Variants in CPLANE1 observed in about 807,000 individuals in gnomAD.
The protein encoded by CPLANE1 is ciliogenesis and planar polarity effector complex subunit 1.
Under a neutral mutation model 362.5 loss-of-function variants are expected in CPLANE1, and 263 were observed. The observed-to-expected ratio is 0.73, with a 90% CI of 0.66 to 0.80. CPLANE1 has a LOEUF of 0.80. Among genes scored for constraint, CPLANE1 ranks in the 30% least tolerant of loss-of-function variants. CPLANE1 has a pLI of 0.00. For missense variants in CPLANE1, 3,461 were observed against 3,793.4 expected, an observed-to-expected ratio of 0.91 and a Z score of 2.30; for synonymous variants, 1,212 against 1,302.6, an observed-to-expected ratio of 0.93 and a Z score of 1.50.
intron 9 of CPLANE1, among the ~76,000 whole-genome samples, chr5:37,229,346 TG>T (rs1336687740): frequency 1.2e-4 from 18 of 151,436 alleles, no homozygotes; most frequent in Admixed American, 1.2e-3. Flanking sequence ...AAGGTCAGTT[TG>T]AGACCATCCT....
the CPLANE1 span, among the ~76,000 whole-genome samples, chr5:37,076,207 T>G: frequency 1.3e-5 from 2 of 148,980 alleles, no homozygotes; most frequent in African/African-American, 5.0e-5. Flanking sequence ...TGGGCAATGA[T>G]CACACCACTG....
chr5:37,161,801 T>C (rs1335045461), intron 38 of CPLANE1, among the ~76,000 whole-genome samples: 23 of 152,236 alleles, frequency 1.5e-4, no homozygotes. Flanking sequence ...TATGGTTAAT[T>C]TTCATCTTCT....
intron 24 of CPLANE1, among the ~76,000 whole-genome samples, chr5:37,185,820 C>T (rs1360165803): frequency 2.0e-5 from 3 of 152,024 alleles, no homozygotes; most frequent in Admixed American, 6.6e-5. Context: ...ATGCATTTTA[C>T]CACAGTAAGA....
chr5:37,102,311 T>C (rs1371379067), downstream of CPLANE1, among the ~76,000 whole-genome samples: 1 of 151,994 alleles, frequency 6.6e-6, no homozygotes, highest in Non-Finnish European at 1.5e-5. Flanking sequence ...CCTCAGACTC[T>C]CAAGTAGCTA....
chr5:37,246,442 A>C (rs1055153650), intron 2 of CPLANE1: 5 of 152,130 alleles, frequency 3.3e-5, no homozygotes, highest in African/African-American at 1.2e-4. Flanking sequence ...TAGCCTCCTG[A>C]GTAGCTGGGA....
intron 36 of CPLANE1, among the ~76,000 whole-genome samples, 161 bp downstream of exon 36, chr5:37,165,378 C>T (rs1454712344): frequency 6.6e-6 from 1 of 152,144 alleles, no homozygotes; most frequent in Non-Finnish European, 1.5e-5. Flanking sequence ...ATGTCTACTG[C>T]TCTGTGGAGG....
Position 37,169,522 on chromosome 5 carries a change from C to T in CPLANE1, c.6502G>A (p.Gly2168Ser). 4 of 1,613,168 alleles carry T rather than the reference C, an allele frequency of 2.5e-6. No individual in the cohort carries two copies. Among genetic ancestry groups the T allele is most frequent in the Non-Finnish European group, 2.5e-6 (3 of 1,179,668 alleles). Residue 2168 changes from glycine to serine, a missense_variant, in exon 34 of 53, where the codon GGC (glycine) becomes AGC (serine). Physicochemically the swap from Gly to Ser is moderately conservative, Grantham distance 56 (BLOSUM62 0). Coordinates refer to ENST00000651892, the MANE Select transcript of CPLANE1 (RefSeq NM_001384732.1). ...ATTGGTCCTTTTTTCCGGGGCTGGC[C>T]ATTTAATTGACATAAAGGAATACTC... ...HGSIPLCQLN[G>S]QPRKKGPIPS...
At chr5:37,078,100 T>G in the CPLANE1 span, among the ~76,000 whole-genome samples, 3 of 152,210 alleles carry the variant, frequency 2.0e-5, no homozygotes, top group Non-Finnish European at 4.4e-5. Flanking sequence ...GCAGGTTTGT[T>G]ACATAGGTAA....
chr5:37,156,916 C>T (rs1775277261), intron 41 of CPLANE1, among the ~76,000 whole-genome samples: 1 of 152,134 alleles, frequency 6.6e-6, no homozygotes, highest in South Asian at 2.1e-4. Context: ...CAAACTTGTA[C>T]ATGTGTCCCG....
At chr5:37,093,746 G>C in the CPLANE1 span, among the ~76,000 whole-genome samples, 1 of 152,164 alleles carries the variant, frequency 6.6e-6, no homozygotes, top group Non-Finnish European at 1.5e-5. Flanking sequence ...ACCCAATGCA[G>C]AAAACAGAAA....
intron 12 of CPLANE1, 43 bp downstream of exon 12, chr5:37,226,261 A>C (rs774876126): frequency 7.5e-7 from 1 of 1,340,478 alleles, no homozygotes; most frequent in Non-Finnish European, 9.8e-7. Flanking sequence ...AAGTAAAAAA[A>C]ACTAAGCTAA....
the CPLANE1 span, chr5:37,085,705 C>T: frequency 2.5e-6 from 3 of 1,184,496 alleles, no homozygotes; most frequent in Non-Finnish European, 3.8e-6. Context: ...ATGTCAATGG[C>T]AACAGCTTTG....
At position 37,182,800 on chromosome 5, in the gene CPLANE1, G is replaced by A. The variant is rs75589774; in HGVS notation, c.5381C>T (p.Pro1794Leu). ...ILTSLWLLEQ[P>L]YFATYKAKNA... The stretch of plus-strand genomic sequence containing the variant: ...TTTTGCCTTATATGTAGCAAAATAG[G>A]GTTGTTCCAAAAGCCATAATGATGT... The change falls in exon 26 of 53, where the codon CCC (proline) becomes CTC (leucine). Residue 1794 changes from proline to leucine, a missense_variant. By Grantham distance (98) the Pro-to-Leu change is moderately conservative. This residue lies in a region of CPLANE1 where 3,380 missense variants were observed against 3,666.1 expected (regional missense o/e 0.92). Transcript: ENST00000651892. 164,959 of 1,612,254 alleles carry A rather than the reference G, an allele frequency of 0.1. 8,822 individuals are homozygous for A. The highest frequency in any genetic ancestry group is 0.15 in the Admixed American group (8,906 of 59,730).
At chr5:37,221,270 T>C (rs1437374489) in intron 15 of CPLANE1, 54 bp downstream of exon 15, 5 of 1,276,162 alleles carry the variant, frequency 3.9e-6, no homozygotes, top group East Asian at 2.7e-5. Flanking sequence ...GCTGGCAACA[T>C]AGGGAGACCC....
At chr5:37,148,333 T>C in intron 42 of CPLANE1, 65 bp from the exon 43 acceptor site, 1 of 1,219,100 alleles carries the variant, frequency 8.2e-7, no homozygotes, top group Non-Finnish European at 1.2e-6. Context: ...TAACAAACAG[T>C]TTTATGTAAG....
At chr5:37,103,826 G>T (rs190954386), downstream of CPLANE1, among the ~76,000 whole-genome samples, 619 of 152,224 alleles carry the variant, frequency 4.1e-3, 3 homozygotes, top group Non-Finnish European at 5.9e-3. Flanking sequence ...CTTGGCAAAT[G>T]TGATGATGGT....
Position 37,224,523 on chromosome 5 carries a change from G to C in CPLANE1, c.2500+9C>G. The C allele has an allele frequency of 2.0e-6, 3 of 1,520,722 alleles. No homozygotes were observed. Among genetic ancestry groups the C allele is most frequent in the Non-Finnish European group, 2.7e-6 (3 of 1,119,880 alleles). 94.2% of individuals were successfully genotyped at this position (1,520,722 alleles called of 1,614,324 possible). A position where few individuals can be genotyped will look rare whatever the true frequency, so the allele number is the denominator to read the frequency against. On this transcript the variant is annotated intron_variant, in intron 13 of 52. Transcript: ENST00000651892. ...TCATGGAGTTAGAAAATATTCATAA[G>C]ATACTGACCATTGATAGATTTAAGT...
intron 43 of CPLANE1, among the ~76,000 whole-genome samples, chr5:37,144,246 A>G (rs1770747069): frequency 6.6e-6 from 1 of 151,782 alleles, no homozygotes; most frequent in Non-Finnish European, 1.5e-5. Flanking sequence ...CGTCTCTACT[A>G]AAAATACAAA....
In CPLANE1 at chr5:37,111,314, C is replaced by CG. The variant is rs1759239056; in HGVS notation, c.9401-2844dup. ...TTTTTTTTTGTATTTTTAGTAGAGA[C>CG]GGGGTTTCACGGTGTTAGCCAGGAT... On this transcript the variant is annotated intron_variant, in intron 51 of 52. Transcript: ENST00000651892. Among the ~76,000 whole-genome samples, 5 of 142,628 alleles carry CG rather than the reference C, an allele frequency of 3.5e-5. No homozygotes were observed. In the South Asian group the frequency reaches 1.2e-3, roughly 33 times the overall value. The allele number at this position is 142,628 out of a possible 152,430, so 93.6% of individuals were successfully genotyped here. A position where few individuals can be genotyped will look rare whatever the true frequency, so the allele number is the denominator to read the frequency against.
Sources: gnomAD v4.1 joint callset for allele counts (sites outside exome capture counted in the v4.1 genomes callset) on GRCh38, gnomAD v4.1.1 for gene constraint, gnomAD v4.1.1 regional missense constraint, MANE v1.5 for transcripts, NCBI Gene and HGNC (gene_info 2026-07-23, HGNC 2026-07-21) for gene names.